The following PTBP2 variants were observed in gnomAD, a reference collection of about 807,000 sequenced individuals.
The protein encoded by PTBP2 is polypyrimidine tract-binding protein 2.
In PTBP2, 13 loss-of-function variants were observed where a neutral mutation model predicts 61.4. The observed-to-expected ratio is 0.21, with a 90% CI of 0.14 to 0.34. The LOEUF (loss-of-function observed/expected upper bound fraction) is 0.34, where lower values mean the gene tolerates loss of function less well. Ranked by LOEUF, PTBP2 falls within the 10% of genes least tolerant of loss-of-function variation. The probability of loss-of-function intolerance (pLI) is 1.00; values close to 1 mark genes in which losing one functional copy is unlikely to be tolerated. For missense variants in PTBP2, 405 were observed against 642.6 expected, an observed-to-expected ratio of 0.63 and a Z score of 4.00; for synonymous variants, 215 against 218.5, an observed-to-expected ratio of 0.98 and a Z score of 0.14.
At position 96,777,566 on chromosome 1, in the gene PTBP2, A is replaced by G; in HGVS notation, c.433-19A>G. 6.3e-7 allele frequency: 1 copy of G among 1,592,790 alleles called. No homozygotes were observed. Among genetic ancestry groups the G allele is most frequent in the Non-Finnish European group, 8.5e-7 (1 of 1,170,588 alleles). ...ACAATAATGGGTATGTTTCTAAACT[A>G]CATAATCTTAATTTCCAGCGTGCTC... On this transcript the variant is annotated intron_variant, in intron 5 of 13. Transcript: ENST00000674951.
chr1:96,749,509 T>C, intron 2 of PTBP2: 1 of 338,512 alleles, frequency 3.0e-6, no homozygotes, highest in South Asian at 2.2e-5. Flanking sequence ...ACTTAAGTTT[T>C]GTTTTTGTTT....
chr1:96,777,971 A>ATT, intron 7 of PTBP2, 25 bp downstream of exon 7: 2 of 1,292,054 alleles, frequency 1.5e-6, no homozygotes, highest in Admixed American at 2.2e-5. Flanking sequence ...TGAGATGGTG[A>ATT]TTTTTTTTTA....
intron 8 of PTBP2, among the ~76,000 whole-genome samples, chr1:96,799,293 G>GTTTTTTTTTTTTTTTTTT (rs1557768004): frequency 1.1e-5 from 1 of 88,284 alleles, no homozygotes; most frequent in Admixed American, 1.2e-4. Flanking sequence ...AATAGATCAA[G>GTTTTTTTTTTTTTTTTTT]CTTTTTTTTT....
chr1:96,742,861 A>G (rs1653224259), intron 2 of PTBP2, among the ~76,000 whole-genome samples: 1 of 152,150 alleles, frequency 6.6e-6, no homozygotes, highest in Non-Finnish European at 1.5e-5. Context: ...TGACATTGGT[A>G]CCATTATAAA....
At chr1:96,777,450 A>T (rs1390465710) in intron 5 of PTBP2, 135 bp from the exon 6 acceptor site, 7 of 604,712 alleles carry the variant, frequency 1.2e-5, no homozygotes, top group Non-Finnish European at 1.6e-5. Flanking sequence ...GTGCTTAAAA[A>T]TATCTGTTGA....
chr1:96,820,794 T>A (rs1357537108), exon 14 of PTBP2: 1 of 152,152 alleles, frequency 6.6e-6, no homozygotes, highest in Non-Finnish European at 1.5e-5. Context: ...AGTGTCAGAG[T>A]TGAAGATTTT....
chr1:96,819,160 A>T (rs111257452), downstream of PTBP2: 4 of 152,086 alleles, frequency 2.6e-5, no homozygotes, highest in African/African-American at 9.6e-5. Flanking sequence ...AATGATACTC[A>T]GGTCATTTTC....
intron 2 of PTBP2, among the ~76,000 whole-genome samples, chr1:96,740,127 A>T (rs1387849248): frequency 6.6e-6 from 1 of 152,202 alleles, no homozygotes; most frequent in African/African-American, 2.4e-5. Flanking sequence ...GCTACATAGC[A>T]TTCCATTGTG....
At chr1:96,788,885 C>A (rs997551685) in intron 8 of PTBP2, among the ~76,000 whole-genome samples, 3 of 151,870 alleles carry the variant, frequency 2.0e-5, no homozygotes, top group Non-Finnish European at 2.9e-5. Context: ...GTAATTTGTT[C>A]AAAGAAAGGA....
At chr1:96,779,063 G>C (rs669283) in intron 7 of PTBP2, among the ~76,000 whole-genome samples, 1 of 152,218 alleles carries the variant, frequency 6.6e-6, no homozygotes, top group East Asian at 1.9e-4. Flanking sequence ...CCACCTATAA[G>C]GTAGACATTT....
intron 3 of PTBP2, among the ~76,000 whole-genome samples, chr1:96,765,964 G>A (rs1401844153): frequency 6.6e-6 from 1 of 152,154 alleles, no homozygotes; most frequent in African/African-American, 2.4e-5. Flanking sequence ...AGGGTTCACA[G>A]TTCCTTGTTG....
intron 7 of PTBP2, among the ~76,000 whole-genome samples, chr1:96,781,950 T>C (rs554369810): frequency 2.0e-5 from 3 of 152,006 alleles, no homozygotes; most frequent in Admixed American, 2.0e-4. Context: ...TCTCTTGGCT[T>C]TCTAATTCAG....
intron 8 of PTBP2, among the ~76,000 whole-genome samples, chr1:96,801,089 G>T (rs1468364703): frequency 6.6e-6 from 1 of 152,012 alleles, no homozygotes; most frequent in African/African-American, 2.4e-5. Flanking sequence ...TAAAAATAAA[G>T]TATTAACCTT....
chr1:96,782,021 T>C (rs1658724857), intron 7 of PTBP2, among the ~76,000 whole-genome samples: 1 of 152,046 alleles, frequency 6.6e-6, no homozygotes, highest in Non-Finnish European at 1.5e-5. Context: ...TTTTTAATAG[T>C]ATAATAAGAC....
intron 2 of PTBP2, among the ~76,000 whole-genome samples, chr1:96,743,592 T>C (rs1653346549): frequency 6.6e-6 from 1 of 152,176 alleles, no homozygotes; most frequent in Admixed American, 6.5e-5. Context: ...TTAAGAATTA[T>C]ATCCATCAAC....
chr1:96,723,136 A>T (rs1052705191), intron 1 of PTBP2, among the ~76,000 whole-genome samples: 1 of 152,162 alleles, frequency 6.6e-6, no homozygotes, highest in Non-Finnish European at 1.5e-5. Context: ...AGATGAAACA[A>T]ATCCAGAGAA....
chr1:96,801,690 A>G (rs1043609972), intron 8 of PTBP2, among the ~76,000 whole-genome samples: 4 of 151,328 alleles, frequency 2.6e-5, no homozygotes, highest in South Asian at 2.1e-4. Context: ...GTGAAACCCC[A>G]TCTCTACTAA....
At chr1:96,743,801 T>C (rs992864659) in intron 2 of PTBP2, among the ~76,000 whole-genome samples, 2 of 152,184 alleles carry the variant, frequency 1.3e-5, no homozygotes, top group Admixed American at 1.3e-4. Flanking sequence ...TTCTTCTTTT[T>C]TTTAAATTTC....
At chr1:96,751,327 T>A in intron 2 of PTBP2, 98 bp from the exon 3 acceptor site, 2 of 945,314 alleles carry the variant, frequency 2.1e-6, no homozygotes, top group Non-Finnish European at 3.4e-6. Flanking sequence ...TTTTAACTAT[T>A]CCCAATAGTG....
Sources: allele counts gnomAD v4.1 joint callset (sites outside exome capture counted in the v4.1 genomes callset), GRCh38; gene constraint gnomAD v4.1.1; transcripts MANE v1.5; gene names NCBI Gene and HGNC (gene_info 2026-07-23, HGNC 2026-07-21).